The following CYTH3 variants were observed in gnomAD, a reference collection of about 807,000 sequenced individuals.
CYTH3 encodes cytohesin-3.
Under a neutral mutation model 55.1 loss-of-function variants are expected in CYTH3, and 23 were observed. The ratio of observed to expected loss-of-function variants is 0.42; its 90% CI spans 0.30 to 0.59. The LOEUF is 0.59. Among genes scored for constraint, CYTH3 ranks in the 20% least tolerant of loss-of-function variants. CYTH3 has a pLI of 0.20. For missense variants in CYTH3, 413 were observed against 524.8 expected (o/e 0.79, Z 2.08); for synonymous variants, 249 against 194.9 (o/e 1.28, Z -2.31).
At chr7:6,259,778 ATATATAATATAT>A (rs1562417599) in intron 1 of CYTH3, among the ~76,000 whole-genome samples, 5 of 20,032 alleles carry the variant, frequency 2.5e-4, no homozygotes, top group Non-Finnish European at 3.2e-4. Flanking sequence ...TATATTATAT[ATATATAATATAT>A]ATATATATAT....
chr7:6,227,364 A>G (rs1482132949), intron 1 of CYTH3, among the ~76,000 whole-genome samples: 1 of 152,194 alleles, frequency 6.6e-6, no homozygotes, highest in Non-Finnish European at 1.5e-5. Flanking sequence ...AAAAAAAGTC[A>G]AATAGTACTG....
At position 6,256,070 on chromosome 7, in the gene CYTH3, A is replaced by T. The variant is rs543455649; in HGVS notation, c.34+16404T>A. ...GAGCCATTGCGCCCGGCCAACCTTT[A>T]ATCTGTTTAACCAAAGTTGAAATGG... On this transcript the variant is annotated intron_variant, in intron 1 of 12. Transcript: ENST00000350796. 6.6e-5 allele frequency among the ~76,000 whole-genome samples: 10 copies of T among 152,270 alleles called. No individual in the cohort carries two copies. The South Asian group carries it at 2.1e-3, about 32-fold the overall frequency.
Position 6,171,137 on chromosome 7 carries a change from G to C in CYTH3, c.562+65C>G, listed in dbSNP as rs1473063275. On this transcript the variant is annotated intron_variant, in intron 7 of 12. Transcript: ENST00000350796. The surrounding 1 kb of genome is among the most constrained non-coding windows in gnomAD (Gnocchi z 6.7). The stretch of plus-strand genomic sequence containing the variant: ...ACACACGCTGGGCTGTGCCCACAGG[G>C]GCCGCCCCCTCCAGAGCTGGAGGCT... 1 of 1,595,790 alleles carries C rather than the reference G, an allele frequency of 6.3e-7. No individual in the cohort carries two copies. Among genetic ancestry groups the C allele is most frequent in the Non-Finnish European group, 8.6e-7 (1 of 1,164,780 alleles).
intron 6 of CYTH3, 99 bp downstream of exon 6, chr7:6,173,554 C>T: frequency 1.3e-6 from 1 of 782,350 alleles, no homozygotes; most frequent in Non-Finnish European, 2.3e-6. Context: ...ACTCGTGTGG[C>T]ACCAAGTTAC....
At chr7:6,177,084 T>A (rs1342667551) in intron 5 of CYTH3, among the ~76,000 whole-genome samples, 2 of 152,248 alleles carry the variant, frequency 1.3e-5, no homozygotes, top group African/African-American at 4.8e-5. Flanking sequence ...CCTTTTTACC[T>A]ATTGCTTACT....
At chr7:6,204,548 T>A (rs1374578513) in intron 1 of CYTH3, among the ~76,000 whole-genome samples, 2 of 152,192 alleles carry the variant, frequency 1.3e-5, no homozygotes, top group Non-Finnish European at 2.9e-5. Flanking sequence ...TTCTCTAGAT[T>A]CCTAGGAATT....
chr7:6,224,723 C>G (rs868231554), intron 1 of CYTH3, among the ~76,000 whole-genome samples: 8 of 152,128 alleles, frequency 5.3e-5, no homozygotes, highest in African/African-American at 1.9e-4. Context: ...ACCCAAAGAG[C>G]TGAAAACAGG....
chr7:6,261,689 C>CAAA lies in CYTH3; in HGVS notation c.34+10782_34+10784dup, dbSNP rs71549614. Among the ~76,000 whole-genome samples, 45 of 47,492 alleles carry CAAA rather than the reference C, an allele frequency of 9.5e-4. 1 individual carries two copies. The highest frequency in any genetic ancestry group is 0.014 in the Middle Eastern group (1 of 72). 31.2% of individuals were successfully genotyped at this position (47,492 alleles called of 152,430 possible). On this transcript the variant is annotated intron_variant, in intron 1 of 12. Coordinates refer to ENST00000350796, the MANE Select transcript of CYTH3 (RefSeq NM_004227.4). ...TAGGCGACAGAGTGAGACCCTGTCT[C>CAAA]AAAAAAAAAAAAAAAAAAAAAAAAA... is the stretch of plus-strand genomic sequence containing the variant.
chr7:6,252,703 G>C (rs1385095247), intron 1 of CYTH3, among the ~76,000 whole-genome samples: 1 of 152,182 alleles, frequency 6.6e-6, no homozygotes, highest in Non-Finnish European at 1.5e-5. Flanking sequence ...AGTGTTGAGG[G>C]AGGGAAGAAG....
At chr7:6,249,644 AT>A (rs1779909179) in intron 1 of CYTH3, among the ~76,000 whole-genome samples, 1 of 152,200 alleles carries the variant, frequency 6.6e-6, no homozygotes, top group African/African-American at 2.4e-5. Flanking sequence ...TAGGTTTCCC[AT>A]TTGTAGTTTC....
At chr7:6,186,818 A>G (rs1013967055) in intron 4 of CYTH3, among the ~76,000 whole-genome samples, 12 of 152,192 alleles carry the variant, frequency 7.9e-5, no homozygotes, top group Non-Finnish European at 1.2e-4. Flanking sequence ...TTCCTCACCC[A>G]GCAGCTCACT....
intron 1 of CYTH3, among the ~76,000 whole-genome samples, chr7:6,210,330 T>C (rs2128549039): frequency 6.6e-6 from 1 of 152,318 alleles, no homozygotes; most frequent in African/African-American, 2.4e-5. Context: ...TACCAAATAA[T>C]TCTCTAAGAC....
Position 6,168,588 on chromosome 7 carries a change from G to A in CYTH3, c.823+1947C>T, listed in dbSNP as rs1035936385. Reference sequence around the variant, plus strand: ...TAGAGCAGCAGGTGCTCACCGGGCCGCCCACCACACTGAGGCCACGCCAGC... The same window carrying A: ...TAGAGCAGCAGGTGCTCACCGGGCCACCCACCACACTGAGGCCACGCCAGC... On this transcript the variant is annotated intron_variant, in intron 9 of 12. Transcript: ENST00000350796. Among the ~76,000 whole-genome samples, 18 of 152,212 alleles carry A rather than the reference G, an allele frequency of 1.2e-4. 1 individual carries two copies. The highest frequency in any genetic ancestry group is 9.8e-4 in the Admixed American group (15 of 15,292).
chr7:6,191,207 G>T (rs1170046298), intron 1 of CYTH3, among the ~76,000 whole-genome samples: 1 of 152,096 alleles, frequency 6.6e-6, no homozygotes, highest in Non-Finnish European at 1.5e-5. Context: ...CAGCACTTTG[G>T]GACACTGAGG....
chr7:6,259,734 CAT>C lies in CYTH3; in HGVS notation c.34+12738_34+12739del, dbSNP rs1346850556. ...CCACAAACTCAAAATATTTTACATA[CAT>C]ATATATAATATATATATATATTATA... On this transcript the variant is annotated intron_variant, in intron 1 of 12. Coordinates refer to ENST00000350796, the MANE Select transcript of CYTH3 (RefSeq NM_004227.4). 1.5e-4 allele frequency among the ~76,000 whole-genome samples: 9 copies of C among 61,972 alleles called. No homozygotes were observed. In the East Asian group the frequency reaches 2.0e-3, roughly 14 times the overall value. 40.7% of individuals were successfully genotyped at this position (61,972 alleles called of 152,430 possible).
chr7:6,265,618 CA>C (rs111748997), intron 1 of CYTH3, among the ~76,000 whole-genome samples: 320 of 109,742 alleles, frequency 2.9e-3, no homozygotes, highest in Middle Eastern at 5.4e-3. Context: ...GACTCCATTT[CA>C]AAAAAAAAAA....
intron 4 of CYTH3, among the ~76,000 whole-genome samples, chr7:6,181,037 A>G (rs1254639986): frequency 6.6e-6 from 1 of 152,174 alleles, no homozygotes; most frequent in African/African-American, 2.4e-5. Flanking sequence ...ATGTTTGTTA[A>G]TAATTTAAAA....
chr7:6,172,814 T>C (rs1370794109), intron 6 of CYTH3: 3 of 1,282,946 alleles, frequency 2.3e-6, no homozygotes, highest in Non-Finnish European at 3.0e-6. Flanking sequence ...TTCTTATATG[T>C]TGCGAACTCT....
rs1782849965 is a variant in CYTH3, at chr7:6,162,227, A to C, written c.*2717T>G. The C allele has an allele frequency of 6.6e-6, 1 of 152,416 alleles. No individual in the cohort carries two copies. Among genetic ancestry groups the C allele is most frequent in the Non-Finnish European group, 1.5e-5 (1 of 68,040 alleles). The allele number at this position is 152,416 out of a possible 1,614,324, so 9.4% of individuals were successfully genotyped here. A position where few individuals can be genotyped will look rare whatever the true frequency, so the allele number is the denominator to read the frequency against. Reference sequence around the variant, plus strand: ...CCCCAAAGACACAAAGTTGCTGCTTATCTGGGTCCAGGGTCAGTACAATTA... The same window carrying C: ...CCCCAAAGACACAAAGTTGCTGCTTCTCTGGGTCCAGGGTCAGTACAATTA... On this transcript the variant is annotated 3_prime_UTR_variant, in exon 13 of 13. Transcript: ENST00000350796.
Sources: allele counts gnomAD v4.1 joint callset (sites outside exome capture counted in the v4.1 genomes callset), GRCh38; gene constraint gnomAD v4.1.1; non-coding constraint Gnocchi (gnomAD v3.1); transcripts MANE v1.5; gene names NCBI Gene and HGNC (gene_info 2026-07-23, HGNC 2026-07-21).